Variants in MAN1A1 observed in about 807,000 individuals in gnomAD.
The protein encoded by MAN1A1 is mannosidase alpha class 1A member 1, also known as mannosyl-oligosaccharide 1,2-alpha-mannosidase IA.
A neutral mutation model predicts 70.8 loss-of-function variants in MAN1A1; 29 were observed. The observed-to-expected ratio is 0.41, with a 90% CI of 0.31 to 0.56. The LOEUF (loss-of-function observed/expected upper bound fraction) is 0.56, where lower values mean the gene tolerates loss of function less well. Ranked by LOEUF, MAN1A1 falls within the 20% of genes least tolerant of loss-of-function variation. The pLI, the probability that MAN1A1 is intolerant of heterozygous loss-of-function variation, is 0.29. For synonymous variants in MAN1A1, 349 were observed against 330.1 expected (o/e 1.06, Z -0.62); for missense variants, 747 against 841.3 (o/e 0.89, Z 1.39).
intron 6 of MAN1A1, among the ~76,000 whole-genome samples, chr6:119,231,944 C>T (rs1005100866): frequency 2.0e-5 from 3 of 152,162 alleles, no homozygotes; most frequent in African/African-American, 4.8e-5. Context: ...TTGAACTTTA[C>T]ATTTATTTTT....
chr6:119,252,561 A>C (rs1160154140), intron 5 of MAN1A1, among the ~76,000 whole-genome samples: 2 of 152,162 alleles, frequency 1.3e-5, no homozygotes, highest in Non-Finnish European at 2.9e-5. Flanking sequence ...TGGGAGGTGG[A>C]GGCGGGTGGA....
chr6:119,260,951 T>C (rs1432388650), intron 5 of MAN1A1, among the ~76,000 whole-genome samples: 18 of 149,838 alleles, frequency 1.2e-4, no homozygotes. Flanking sequence ...ACTCATGCAC[T>C]ATCTAAATGT....
intron 4 of MAN1A1, among the ~76,000 whole-genome samples, chr6:119,300,238 T>A (rs1019135845): frequency 7.2e-5 from 11 of 151,760 alleles, no homozygotes; most frequent in African/African-American, 2.4e-4. Flanking sequence ...AGAACTGAAG[T>A]TTTTTTGTTT....
chr6:119,282,310 C>CA (rs1268662868), intron 5 of MAN1A1, among the ~76,000 whole-genome samples: 1 of 152,106 alleles, frequency 6.6e-6, no homozygotes, highest in Non-Finnish European at 1.5e-5. Flanking sequence ...ATTATCAGTA[C>CA]AAGATAGGGC....
intron 2 of MAN1A1, among the ~76,000 whole-genome samples, chr6:119,338,185 C>A (rs195081): frequency 6.6e-6 from 1 of 151,842 alleles, no homozygotes; most frequent in South Asian, 2.1e-4. Context: ...TTATTCATCA[C>A]GTTAACACAG....
chr6:119,219,009 C>T (rs1774283615), intron 6 of MAN1A1, among the ~76,000 whole-genome samples: 1 of 152,028 alleles, frequency 6.6e-6, no homozygotes, highest in African/African-American at 2.4e-5. Flanking sequence ...AAACTTAACC[C>T]TTGTTTATAA....
At chr6:119,257,735 C>T (rs897269453) in intron 5 of MAN1A1, among the ~76,000 whole-genome samples, 1 of 152,070 alleles carries the variant, frequency 6.6e-6, no homozygotes, top group Non-Finnish European at 1.5e-5. Flanking sequence ...AATGGCTATA[C>T]AGCTCTAGTG....
intron 11 of MAN1A1, among the ~76,000 whole-genome samples, chr6:119,186,906 G>A (rs1028499061): frequency 7.9e-5 from 12 of 152,260 alleles, no homozygotes; most frequent in African/African-American, 2.6e-4. Flanking sequence ...GGTTACTGGG[G>A]GCATCCCCAA....
At chr6:119,238,879 G>A (rs1417486114) in intron 6 of MAN1A1, among the ~76,000 whole-genome samples, 1 of 152,022 alleles carries the variant, frequency 6.6e-6, no homozygotes, top group Non-Finnish European at 1.5e-5. Flanking sequence ...TCCTGAAACT[G>A]GGTCTATTAT....
chr6:119,348,453 GC>G lies in MAN1A1; in HGVS notation c.603+9del, dbSNP rs1488892659. ...CCGGTCGGGAGGGATTTCTGGCGCG[GC>G]CCACTCACCTCTTTGATCTTTGCCC... On this transcript the variant is annotated intron_variant, in intron 2 of 12. Transcript: ENST00000368468. The G allele has an allele frequency of 3.2e-6, 5 of 1,572,934 alleles. No individual in the cohort carries two copies. Among genetic ancestry groups the G allele is most frequent in the East Asian group, 4.7e-5 (2 of 42,726 alleles).
At chr6:119,190,012 C>A in intron 9 of MAN1A1, 129 bp from the exon 10 acceptor site, 1 of 740,132 alleles carries the variant, frequency 1.4e-6, no homozygotes, top group Non-Finnish European at 2.2e-6. Flanking sequence ...AAAATCCATT[C>A]AACCTGAAAT....
At chr6:119,300,861 T>C (rs1490653692) in intron 4 of MAN1A1, among the ~76,000 whole-genome samples, 3 of 152,216 alleles carry the variant, frequency 2.0e-5, no homozygotes. Flanking sequence ...GTCTCCCAAA[T>C]GCGGTATATA....
chr6:119,276,168 T>G (rs7767940), intron 5 of MAN1A1, among the ~76,000 whole-genome samples: 1 of 152,308 alleles, frequency 6.6e-6, no homozygotes, highest in South Asian at 2.1e-4. Flanking sequence ...CCTTCTATGT[T>G]ATTCAGACTG....
chr6:119,332,934 T>C (rs940209513), intron 2 of MAN1A1, among the ~76,000 whole-genome samples: 11 of 152,138 alleles, frequency 7.2e-5, no homozygotes, highest in Non-Finnish European at 2.9e-5. Context: ...CAGACACTTA[T>C]GGCTACTAAT....
At chr6:119,349,393 A>G in intron 1 of MAN1A1, 106 bp from the exon 2 acceptor site, 1 of 955,548 alleles carries the variant, frequency 1.0e-6, no homozygotes, top group Non-Finnish European at 1.3e-6. Context: ...GCTCCCCTTA[A>G]GCAGAGTCCT....
intron 6 of MAN1A1, among the ~76,000 whole-genome samples, chr6:119,244,291 CA>C (rs1314480971): frequency 6.6e-6 from 1 of 152,012 alleles, no homozygotes; most frequent in Non-Finnish European, 1.5e-5. Flanking sequence ...GACATTTTCA[CA>C]TTAGAGAAAT....
At chr6:119,196,589 G>A (rs60234872) in intron 8 of MAN1A1, among the ~76,000 whole-genome samples, 2,281 of 152,172 alleles carry the variant, frequency 0.015, 44 homozygotes, top group African/African-American at 0.049. Flanking sequence ...CAAATATTAC[G>A]CTCTTCTCTG....
rs372258039 is a variant in MAN1A1, at chr6:119,294,347, C to T, written c.817-3584G>A. Among the ~76,000 whole-genome samples, 167 of 151,844 alleles carry T rather than the reference C, an allele frequency of 1.1e-3. 1 individual carries two copies. In the South Asian group the frequency reaches 0.015, roughly 14 times the overall value. On this transcript the variant is annotated intron_variant, in intron 4 of 12. Coordinates refer to ENST00000368468, the MANE Select transcript of MAN1A1 (RefSeq NM_005907.4). ...TCATAATGTTCTAAAAGTTTTCTAC[C>T]GACTTACCCTAATGACAGAGGGGGT...
At chr6:119,313,096 C>T (rs906528304) in intron 2 of MAN1A1, among the ~76,000 whole-genome samples, 2 of 152,030 alleles carry the variant, frequency 1.3e-5, no homozygotes, top group African/African-American at 4.8e-5. Context: ...GATGCTTTGA[C>T]CTTTAGCTGA....
Sources: allele counts gnomAD v4.1 joint callset (sites outside exome capture counted in the v4.1 genomes callset), GRCh38; gene constraint gnomAD v4.1.1; transcripts MANE v1.5; gene names NCBI Gene and HGNC (gene_info 2026-07-23, HGNC 2026-07-21).